Variants in SDR16C5 observed in about 807,000 individuals in gnomAD.
SDR16C5 encodes the protein short chain dehydrogenase/reductase family 16C member 5.
In SDR16C5, 20 loss-of-function variants were observed where a neutral mutation model predicts 27.7. The observed-to-expected ratio is 0.72, with a 90% confidence interval of 0.51 to 1.05. SDR16C5 has a LOEUF of 1.05. Ranked by LOEUF, SDR16C5 falls within the 50% of genes least tolerant of loss-of-function variation. The pLI, the probability that SDR16C5 is intolerant of heterozygous loss-of-function variation, is 0.00. For synonymous variants in SDR16C5, 139 were observed against 132.3 expected, an observed-to-expected ratio of 1.05 and a Z score of -0.35; for missense variants, 374 against 366.3, an observed-to-expected ratio of 1.02 and a Z score of -0.17.
At chr8:56,305,531 C>T (rs897726509) in intron 6 of SDR16C5, 66 bp downstream of exon 6, 2 of 1,379,922 alleles carry the variant, frequency 1.4e-6, no homozygotes, top group Non-Finnish European at 9.7e-7. Flanking sequence ...GTGGCTTCTC[C>T]TGGTGGGATT....
At chr8:56,308,863 A>G (rs1167359651) in intron 4 of SDR16C5, 65 bp downstream of exon 4, 1 of 1,080,024 alleles carries the variant, frequency 9.3e-7, no homozygotes, top group African/African-American at 1.6e-5. Context: ...CTAATTATTC[A>G]GAGCTATTGT....
In SDR16C5 at chr8:56,315,997, T is replaced by C. The variant is rs1815182799; in HGVS notation, c.333+18A>G. The C allele has an allele frequency of 6.4e-7, 1 of 1,558,008 alleles. No individual in the cohort carries two copies. The highest frequency in any genetic ancestry group is 8.8e-7 in the Non-Finnish European group (1 of 1,131,842). On this transcript the variant is annotated intron_variant, in intron 2 of 6. Transcript: ENST00000303749. ...TGTGATGTGTATCAAATTATAATAG[T>C]AAACACACAAGAGTTACCTGGTCGG... is the stretch of plus-strand genomic sequence containing the variant.
intron 2 of SDR16C5, among the ~76,000 whole-genome samples, chr8:56,315,272 G>A (rs192034161): frequency 2.2e-4 from 33 of 151,968 alleles, no homozygotes; most frequent in Non-Finnish European, 1.2e-4. Flanking sequence ...TTCCTTGTGA[G>A]GGACGGGCAC....
At chr8:56,305,544 G>A in intron 6 of SDR16C5, 53 bp downstream of exon 6, 1 of 1,479,410 alleles carries the variant, frequency 6.8e-7, no homozygotes, top group Non-Finnish European at 9.0e-7. Flanking sequence ...GTGGGATTTG[G>A]AGTAAACTGT....
At chr8:56,305,750 A>T (rs1289250597) in intron 5 of SDR16C5, 28 bp from the exon 6 acceptor site, 2 of 1,565,472 alleles carry the variant, frequency 1.3e-6, no homozygotes, top group Non-Finnish European at 1.7e-6. Flanking sequence ...AACAATTAAA[A>T]AAAACCCTGA....
chr8:56,315,833 A>G (rs537449154), intron 2 of SDR16C5, among the ~76,000 whole-genome samples, 182 bp downstream of exon 2: 4 of 152,336 alleles, frequency 2.6e-5, no homozygotes, highest in African/African-American at 7.2e-5. Context: ...GTTATAATAC[A>G]TACATGGTAG....
At chr8:56,302,590 T>C (rs1464996395) in intron 6 of SDR16C5, among the ~76,000 whole-genome samples, 4 of 151,582 alleles carry the variant, frequency 2.6e-5, no homozygotes, top group Non-Finnish European at 5.9e-5. Flanking sequence ...GGAGAATCAC[T>C]TGAACCCGGG....
chr8:56,306,540 C>G, intron 5 of SDR16C5, 136 bp downstream of exon 5: 1 of 843,368 alleles, frequency 1.2e-6, no homozygotes, highest in Non-Finnish European at 1.7e-6. Context: ...CTAAGAAAGA[C>G]AGAATTCTAA....
Position 56,316,172 on chromosome 8 carries a change from T to C in SDR16C5, c.176A>G (p.Gln59Arg), listed in dbSNP as rs754938857. The C allele has an allele frequency of 1.9e-6, 3 of 1,614,112 alleles. No individual in the cohort carries two copies. The highest frequency in any genetic ancestry group is 1.1e-5 in the South Asian group (1 of 91,082). Reference sequence around the variant, plus strand: ...AAGAACAGATCCCAGCCGGGCAAACTGCAAGGCTAAGAGCCTTCCGAGTCC... The same window carrying C: ...AAGAACAGATCCCAGCCGGGCAAACCGCAAGGCTAAGAGCCTTCCGAGTCC... Reference protein sequence around the residue: ...GSGLGRLLALQFARLGSVLVL... With the variant: ...GSGLGRLLALRFARLGSVLVL... The change falls in exon 2 of 7, where the codon CAG becomes CGG. Residue 59 changes from glutamine to arginine, a missense_variant. By Grantham distance (43) the Gln-to-Arg change is conservative (BLOSUM62 1). Coordinates refer to ENST00000303749, the MANE Select transcript of SDR16C5 (RefSeq NM_138969.4).
Position 56,306,758 on chromosome 8 carries a change from C to G in SDR16C5, c.628G>C (p.Val210Leu), listed in dbSNP as rs753064801. The change falls in exon 5 of 7, where the codon GTC (valine) becomes CTC (leucine). Residue 210 changes from valine (V) to leucine (L), a missense_variant. Val to Leu is a conservative substitution (Grantham distance 32). Coordinates refer to ENST00000303749, the MANE Select transcript of SDR16C5 (RefSeq NM_138969.4). ...GTTTTGATCCCCTTTTGTTTTTGGA[C>G]AAATGTTTCTACAAATACAGATTCA... is the stretch of plus-strand genomic sequence containing the variant. ...FAESVFVETF[V>L]QKQKGIKTTI... 15 of 1,613,162 alleles carry G rather than the reference C, an allele frequency of 9.3e-6. No individual in the cohort carries two copies. The highest frequency in any genetic ancestry group is 1.6e-4 in the Middle Eastern group (1 of 6,066).
At chr8:56,304,724 G>T (rs903290755) in intron 6 of SDR16C5, among the ~76,000 whole-genome samples, 2 of 151,718 alleles carry the variant, frequency 1.3e-5, no homozygotes, top group African/African-American at 4.8e-5. Flanking sequence ...AAGAGACAGG[G>T]TCTCACTCTG....
At chr8:56,308,843 C>T (rs1484002525) in intron 4 of SDR16C5, 85 bp downstream of exon 4, 1 of 899,430 alleles carries the variant, frequency 1.1e-6, no homozygotes, top group African/African-American at 1.7e-5. Context: ...CTTAGGGCAT[C>T]AAGTCAGTGC....
intron 3 of SDR16C5, 148 bp downstream of exon 3, chr8:56,312,009 A>T (rs1295708298): frequency 1.5e-6 from 1 of 645,826 alleles, no homozygotes; most frequent in African/African-American, 1.8e-5. Flanking sequence ...TGGCATCAGA[A>T]AAGGACAACT....
chr8:56,316,520 A>C (rs1815202507), intron 1 of SDR16C5, among the ~76,000 whole-genome samples, 159 bp from the exon 2 acceptor site: 1 of 152,216 alleles, frequency 6.6e-6, no homozygotes, highest in Non-Finnish European at 1.5e-5. Context: ...AAGTGGGAGG[A>C]GGAAGCCACA....
At chr8:56,318,195 T>C (rs1056423546) in intron 1 of SDR16C5, among the ~76,000 whole-genome samples, 1 of 152,202 alleles carries the variant, frequency 6.6e-6, no homozygotes, top group Non-Finnish European at 1.5e-5. Flanking sequence ...GACCTGTGTG[T>C]CCAGGGCTGT....
chr8:56,315,668 AT>A (rs1815173459), intron 2 of SDR16C5, among the ~76,000 whole-genome samples: 3 of 152,138 alleles, frequency 2.0e-5, no homozygotes, highest in Admixed American at 2.0e-4. Context: ...GTGCAGTGTA[AT>A]GTTAGAAGCA....
rs1814897960 is a variant in SDR16C5, at chr8:56,306,797, C to T, written c.589G>A (p.Ala197Thr). The T allele has an allele frequency of 6.2e-7, 1 of 1,611,828 alleles. No homozygotes were observed. The change falls in exon 5 of 7, where the codon GCC becomes ACC. Residue 197 changes from alanine (A) to threonine (T), a missense_variant. Physicochemically the swap from Ala to Thr is moderately conservative, Grantham distance 58. Transcript: ENST00000303749. ...AATACAGATTCAGCAAACCCAAAGG[C>T]TGCAAATTTACTTGCACAGTAATCT... ...LADYCASKFA[A>T]FGFAESVFVE...
chr8:56,317,863 G>T (rs907972630), intron 1 of SDR16C5, among the ~76,000 whole-genome samples: 2 of 152,190 alleles, frequency 1.3e-5, no homozygotes, highest in African/African-American at 4.8e-5. Flanking sequence ...ACCCTGTGCT[G>T]GTTCTATCTG....
chr8:56,306,675 C>T lies in SDR16C5; in HGVS notation c.710+1G>A. On this transcript the variant is annotated splice_donor_variant, in intron 5 of 6. Transcript: ENST00000303749. LOFTEE classifies it high-confidence loss of function. ...TCTTTGAAATTAAAGGACATACTTA[C>T]CCTGTAGTACAACCTTCAAACATTC... 1 of 1,595,554 alleles carries T rather than the reference C, an allele frequency of 6.3e-7. No homozygotes were observed. The highest frequency in any genetic ancestry group is 1.1e-5 in the South Asian group (1 of 87,178).
Sources: gnomAD v4.1 joint callset for allele counts (sites outside exome capture counted in the v4.1 genomes callset) on GRCh38, gnomAD v4.1.1 for gene constraint, MANE v1.5 for transcripts, NCBI Gene and HGNC (gene_info 2026-07-23, HGNC 2026-07-21) for gene names.